Variants in UPK1B observed in about 807,000 individuals in gnomAD.
UPK1B encodes uroplakin-1b.
In UPK1B, 28 loss-of-function variants were observed where a neutral mutation model predicts 34.2. The ratio of observed to expected loss-of-function variants is 0.82; its 90% CI spans 0.61 to 1.12. UPK1B has a LOEUF of 1.12. Ranked by LOEUF, UPK1B falls within the 50% of genes most tolerant of loss-of-function variation. UPK1B has a pLI of 0.00. For synonymous variants in UPK1B, 81 were observed against 110.4 expected (o/e 0.73, Z 1.67); for missense variants, 325 against 320.9 (o/e 1.01, Z -0.10).
intron 1 of UPK1B, among the ~76,000 whole-genome samples, chr3:119,178,831 A>G (rs1476740715): frequency 6.6e-6 from 1 of 152,216 alleles, no homozygotes; most frequent in Non-Finnish European, 1.5e-5. Context: ...TGCTTGAGAA[A>G]GTTCACCATG....
intron 1 of UPK1B, among the ~76,000 whole-genome samples, chr3:119,174,969 G>A (rs1324765902): frequency 7.0e-6 from 1 of 143,658 alleles, no homozygotes; most frequent in African/African-American, 2.6e-5. Context: ...ATTTAATCAA[G>A]GGGAAAAAAA....
chr3:119,196,535 C>CTT lies in UPK1B; in HGVS notation c.648+2155_648+2156dup, dbSNP rs34406185. ...TGAATAGTGAATGGTTTTTCTTTTTCTTTTTTTTTTTTTTTTTTTGAGATG... is the reference window on the plus strand; with the variant it reads ...TGAATAGTGAATGGTTTTTCTTTTTCTTTTTTTTTTTTTTTTTTTTTGAGATG... On this transcript the variant is annotated intron_variant, in intron 6 of 7. Transcript: ENST00000264234. Among the ~76,000 whole-genome samples, 157 of 107,148 alleles carry CTT rather than the reference C, an allele frequency of 1.5e-3. 3 individuals are homozygous for CTT. Among genetic ancestry groups the CTT allele is most frequent in the African/African-American group, 2.4e-3 (66 of 27,092 alleles). The allele number at this position is 107,148 out of a possible 152,430, so 70.3% of individuals were successfully genotyped here. A position where few individuals can be genotyped will look rare whatever the true frequency, so the allele number is the denominator to read the frequency against.
Position 119,203,945 on chromosome 3 carries a change from AC to A in UPK1B, c.762del (p.Trp255GlyfsTer31). The stretch of plus-strand genomic sequence containing the variant: ...TGGGTTCTCCTGGGTACCATGTTCT[AC>A]TGGAGCAGAATTGAATATTAAGCAT... ...TFWVLLGTMF[Y>X]WSRIEY On this transcript the variant is annotated frameshift_variant, in exon 8 of 8. Transcript: ENST00000264234. LOFTEE classifies it high-confidence loss of function. 6.2e-7 allele frequency: 1 copy of A among 1,613,958 alleles called. No homozygotes were observed. Among genetic ancestry groups the A allele is most frequent in the Non-Finnish European group, 8.5e-7 (1 of 1,180,002 alleles).
At chr3:119,180,665 A>G (rs2077985609) in intron 1 of UPK1B, among the ~76,000 whole-genome samples, 2 of 115,148 alleles carry the variant, frequency 1.7e-5, no homozygotes, top group African/African-American at 5.7e-5. Context: ...CAACAAATTC[A>G]TAATGTCTTT....
At position 119,174,915 on chromosome 3, in the gene UPK1B, G is replaced by A. The variant is rs539998530; in HGVS notation, c.-29+1277G>A. ...CTATTTTTTTTTTTTTTAACTGCTG[G>A]GAAGAATCATAGACTTTTACATCCA... On this transcript the variant is annotated intron_variant, in intron 1 of 7. Transcript: ENST00000264234. 9.1e-3 allele frequency among the ~76,000 whole-genome samples: 1,323 copies of A among 144,790 alleles called. 16 individuals carry two copies. The highest frequency in any genetic ancestry group is 0.062 in the Middle Eastern group (17 of 272). 95.0% of individuals were successfully genotyped at this position (144,790 alleles called of 152,430 possible).
chr3:119,188,893 C>A (rs1398441215), intron 3 of UPK1B, among the ~76,000 whole-genome samples: 1 of 152,160 alleles, frequency 6.6e-6, no homozygotes, highest in Admixed American at 6.5e-5. Context: ...TTTTAACTAA[C>A]CACTGTCCTG....
chr3:119,179,523 T>TTTTTTA (rs1455868973), intron 1 of UPK1B, among the ~76,000 whole-genome samples: 2 of 116,616 alleles, frequency 1.7e-5, no homozygotes, highest in African/African-American at 6.3e-5. Context: ...TTTTTTTTTT[T>TTTTTTA]TTTTGAGACG....
chr3:119,191,402 G>A (rs1275075310), intron 5 of UPK1B, among the ~76,000 whole-genome samples: 1 of 152,122 alleles, frequency 6.6e-6, no homozygotes, highest in Non-Finnish European at 1.5e-5. Flanking sequence ...GTCTTGCCAA[G>A]GACCAGGCCC....
At chr3:119,188,409 A>G (rs1010474637) in intron 3 of UPK1B, among the ~76,000 whole-genome samples, 2 of 152,266 alleles carry the variant, frequency 1.3e-5, no homozygotes, top group African/African-American at 4.8e-5. Flanking sequence ...AAAATATAAA[A>G]TATGCATACA....
chr3:119,202,982 G>A (rs1235653310), intron 7 of UPK1B, among the ~76,000 whole-genome samples: 1 of 152,110 alleles, frequency 6.6e-6, no homozygotes, highest in Non-Finnish European at 1.5e-5. Flanking sequence ...GTGATGCTTT[G>A]GAGCAGGATG....
At chr3:119,180,792 C>G (rs2077986662) in intron 1 of UPK1B, among the ~76,000 whole-genome samples, 1 of 152,060 alleles carries the variant, frequency 6.6e-6, no homozygotes, top group Admixed American at 6.5e-5. Context: ...TCAAAGAACC[C>G]TAAACATCAG....
At position 119,203,957 on chromosome 3, in the gene UPK1B, T is replaced by C. The variant is rs186059070; in HGVS notation, c.773T>C (p.Ile258Thr). 54 of 1,614,080 alleles carry C rather than the reference T, an allele frequency of 3.3e-5. No individual in the cohort carries two copies. In the East Asian group the frequency reaches 8.0e-4, roughly 24 times the overall value. ...LLGTMFYWSR[I>T]EY is the part of the protein sequence containing the mutation. ...GGTACCATGTTCTACTGGAGCAGAA[T>C]TGAATATTAAGCATAAAGTGTTGCC... Residue 258 changes from isoleucine (I) to threonine (T), a missense_variant, in exon 8 of 8, where the codon ATT becomes ACT. Ile to Thr is a moderately conservative substitution (Grantham distance 89). Coordinates refer to ENST00000264234, the MANE Select transcript of UPK1B (RefSeq NM_006952.4).
chr3:119,185,701 C>T (rs556141152), intron 1 of UPK1B, among the ~76,000 whole-genome samples: 1 of 152,262 alleles, frequency 6.6e-6, no homozygotes, highest in South Asian at 2.1e-4. Flanking sequence ...CATATTGAAC[C>T]ATTTAATACA....
In UPK1B at chr3:119,194,263, C is replaced by T; in HGVS notation, c.513C>T (p.Tyr171=). The T allele has an allele frequency of 6.2e-7, 1 of 1,614,028 alleles. No homozygotes were observed. Among genetic ancestry groups the T allele is most frequent in the Non-Finnish European group, 8.5e-7 (1 of 1,179,924 alleles). The change falls in exon 6 of 8, where the codon TAC becomes TAT. Residue 171 remains tyrosine (Y), a synonymous_variant. Transcript: ENST00000264234. ...GVNGPSDWQK[Y]TSAFRTENND... is the part of the protein sequence containing the mutation. ...ATGGTCCATCAGACTGGCAAAAATA[C>T]ACATCTGCCTTCCGGACTGAGAATA...
chr3:119,203,913 C>A lies in UPK1B; in HGVS notation c.733-4C>A. ...TTATTTTTCCTTGTTTTTTTCTATT[C>A]CAGTTTTGGGTTCTCCTGGGTACCA... On this transcript the variant is annotated splice_polypyrimidine_tract_variant and splice_region_variant and intron_variant, in intron 7 of 7. Coordinates refer to ENST00000264234, the MANE Select transcript of UPK1B (RefSeq NM_006952.4). 6.2e-7 allele frequency: 1 copy of A among 1,613,588 alleles called. No individual in the cohort carries two copies. Among genetic ancestry groups the A allele is most frequent in the Non-Finnish European group, 8.5e-7 (1 of 1,179,774 alleles).
At chr3:119,185,350 C>A (rs1228721116) in intron 1 of UPK1B, among the ~76,000 whole-genome samples, 5 of 152,168 alleles carry the variant, frequency 3.3e-5, no homozygotes, top group Non-Finnish European at 7.4e-5. Context: ...AGAAGGTTTG[C>A]CTCCCACTGC....
chr3:119,202,658 A>T (rs2078096292), intron 7 of UPK1B, among the ~76,000 whole-genome samples: 1 of 152,190 alleles, frequency 6.6e-6, no homozygotes, highest in Non-Finnish European at 1.5e-5. Flanking sequence ...AATAAACTAA[A>T]ATAAAACTCA....
chr3:119,185,950 G>A (rs1239503254), intron 1 of UPK1B, among the ~76,000 whole-genome samples: 1 of 152,158 alleles, frequency 6.6e-6, no homozygotes, highest in African/African-American at 2.4e-5. Flanking sequence ...CGTGGACTCT[G>A]GAGTCACACA....
chr3:119,185,359 G>A (rs138928409), intron 1 of UPK1B, among the ~76,000 whole-genome samples: 244 of 152,290 alleles, frequency 1.6e-3, no homozygotes, highest in Middle Eastern at 0.014. Flanking sequence ...GCCTCCCACT[G>A]CTACCCTACA....
Sources: allele counts gnomAD v4.1 joint callset (sites outside exome capture counted in the v4.1 genomes callset), GRCh38; gene constraint gnomAD v4.1.1; transcripts MANE v1.5; gene names NCBI Gene and HGNC (gene_info 2026-07-23, HGNC 2026-07-21).